Variants in KIF16B observed in about 807,000 individuals in gnomAD.
KIF16B encodes kinesin family member 16B.
A neutral mutation model predicts 156.3 loss-of-function variants in KIF16B; 98 were observed. That is an observed-to-expected ratio of 0.63 (90% CI 0.53 to 0.74). KIF16B has a LOEUF of 0.74. KIF16B is among the 30% of genes least tolerant of loss of function. The pLI, the probability that KIF16B is intolerant of heterozygous loss-of-function variation, is 0.00. For missense variants in KIF16B, 1,421 were observed against 1,606.5 expected (o/e 0.88, Z 1.97); for synonymous variants, 564 against 583.7 (o/e 0.97, Z 0.49).
chr20:16,497,518 A>T, intron 11 of KIF16B, 95 bp downstream of exon 11: 1 of 942,166 alleles, frequency 1.1e-6, no homozygotes, highest in Non-Finnish European at 1.7e-6. Context: ...AATAAAGAAA[A>T]AGAAGGCATC....
intron 23 of KIF16B, among the ~76,000 whole-genome samples, chr20:16,341,034 T>G (rs529634088): frequency 1.9e-4 from 29 of 152,270 alleles, no homozygotes; most frequent in Admixed American, 1.7e-3. Context: ...CCTTGAGTGC[T>G]TATAATAGAA....
chr20:16,484,373 A>G (rs995688423), intron 12 of KIF16B, among the ~76,000 whole-genome samples: 2 of 152,328 alleles, frequency 1.3e-5, no homozygotes, highest in Non-Finnish European at 2.9e-5. Flanking sequence ...ACTGACAGTC[A>G]TCTCCCCCTG....
At chr20:16,481,695 A>G (rs909021261) in intron 12 of KIF16B, among the ~76,000 whole-genome samples, 4 of 152,222 alleles carry the variant, frequency 2.6e-5, no homozygotes, top group African/African-American at 9.6e-5. Flanking sequence ...GAAAATGACC[A>G]TCTTTTGTGA....
Position 16,429,973 on chromosome 20 carries a change from G to C in KIF16B, c.1312C>G (p.Leu438Val). Residue 438 changes from leucine (L) to valine (V), a missense_variant, in exon 13 of 26, where the codon CTA (leucine) becomes GTA (valine). Coordinates refer to ENST00000354981, the MANE Select transcript of KIF16B (RefSeq NM_024704.5). Reference protein sequence around the residue: ...ETQNILKEQTLALRKEGIGVV... With the variant: ...ETQNILKEQTVALRKEGIGVV... ...CCAATCCCTTCTTTCCTGAGGGCTAGAGTTTGTTCCTGAAATTAAGAGGAA... is the reference window on the plus strand; with the variant it reads ...CCAATCCCTTCTTTCCTGAGGGCTACAGTTTGTTCCTGAAATTAAGAGGAA... 5.6e-6 allele frequency: 9 copies of C among 1,602,146 alleles called. No homozygotes were observed. The highest frequency in any genetic ancestry group is 7.6e-6 in the Non-Finnish European group (9 of 1,176,798).
At chr20:16,331,624 G>C (rs2063949899) in intron 24 of KIF16B, among the ~76,000 whole-genome samples, 1 of 152,198 alleles carries the variant, frequency 6.6e-6, no homozygotes, top group Non-Finnish European at 1.5e-5. Context: ...AGCCAGAATA[G>C]TCTTCTACTT....
chr20:16,309,277 C>T (rs1467524270), intron 25 of KIF16B, among the ~76,000 whole-genome samples: 2 of 152,174 alleles, frequency 1.3e-5, no homozygotes, highest in Non-Finnish European at 2.9e-5. Context: ...GAGATGAGCC[C>T]TTATGACCCA....
chr20:16,442,603 T>C (rs2066833300), intron 12 of KIF16B, among the ~76,000 whole-genome samples: 1 of 152,074 alleles, frequency 6.6e-6, no homozygotes, highest in Admixed American at 6.6e-5. Flanking sequence ...AAATAAAATA[T>C]TAAAGCCAAA....
chr20:16,419,868 G>A (rs981677129), intron 15 of KIF16B, among the ~76,000 whole-genome samples: 2 of 151,878 alleles, frequency 1.3e-5, no homozygotes, highest in African/African-American at 4.8e-5. Context: ...ATATAAAACA[G>A]AAAAAAGAAA....
At chr20:16,566,879 C>A (rs2071274201) in intron 1 of KIF16B, among the ~76,000 whole-genome samples, 1 of 152,034 alleles carries the variant, frequency 6.6e-6, no homozygotes, top group Non-Finnish European at 1.5e-5. Flanking sequence ...CATAGGTGGC[C>A]GACAGTTATA....
At chr20:16,326,715 C>T (rs138719005) in intron 24 of KIF16B, among the ~76,000 whole-genome samples, 19 of 152,042 alleles carry the variant, frequency 1.2e-4, no homozygotes, top group African/African-American at 4.6e-4. Flanking sequence ...CACTTTTACA[C>T]TTGCTGGTGG....
chr20:16,552,679 CAAG>C (rs2070711133), intron 1 of KIF16B, among the ~76,000 whole-genome samples: 1 of 152,202 alleles, frequency 6.6e-6, no homozygotes, highest in Non-Finnish European at 1.5e-5. Flanking sequence ...GGGGGCTCTG[CAAG>C]GTTAAAATTA....
At chr20:16,382,202 A>T (rs1167127012) in intron 17 of KIF16B, 1 of 986,252 alleles carries the variant, frequency 1.0e-6, no homozygotes, top group Admixed American at 2.7e-5. Flanking sequence ...AGCATTTAAT[A>T]GGAAGGAATA....
chr20:16,498,097 A>G (rs1461626013), intron 10 of KIF16B, among the ~76,000 whole-genome samples: 2 of 152,214 alleles, frequency 1.3e-5, no homozygotes, highest in Non-Finnish European at 2.9e-5. Flanking sequence ...AATGAAACGC[A>G]TTTATTTTCA....
At chr20:16,453,688 G>A (rs553465746) in intron 12 of KIF16B, among the ~76,000 whole-genome samples, 2 of 152,002 alleles carry the variant, frequency 1.3e-5, no homozygotes, top group South Asian at 2.1e-4. Flanking sequence ...GTAATTAATC[G>A]GCCCTTAAAT....
intron 12 of KIF16B, among the ~76,000 whole-genome samples, chr20:16,441,754 T>A (rs933321397): frequency 6.6e-6 from 1 of 152,102 alleles, no homozygotes; most frequent in Non-Finnish European, 1.5e-5. Flanking sequence ...GCAAGTACTG[T>A]GACCTAACTC....
intron 24 of KIF16B, among the ~76,000 whole-genome samples, chr20:16,329,602 C>T (rs1041720369): frequency 1.1e-4 from 16 of 152,108 alleles, no homozygotes; most frequent in African/African-American, 3.9e-4. Flanking sequence ...CTAGCTGTGG[C>T]ATTATCACTT....
At chr20:16,542,817 A>C (rs1032017397) in intron 1 of KIF16B, among the ~76,000 whole-genome samples, 2 of 152,200 alleles carry the variant, frequency 1.3e-5, no homozygotes, top group African/African-American at 2.4e-5. Context: ...ATGTAATAGG[A>C]AGCCACAGCC....
chr20:16,503,992 A>G (rs905451373), intron 10 of KIF16B, among the ~76,000 whole-genome samples: 2 of 152,208 alleles, frequency 1.3e-5, no homozygotes, highest in Admixed American at 1.3e-4. Flanking sequence ...CAAGTCTTTT[A>G]TTCTGTTAAA....
intron 1 of KIF16B, among the ~76,000 whole-genome samples, chr20:16,529,154 C>T (rs1461867550): frequency 1.3e-5 from 2 of 151,742 alleles, no homozygotes; most frequent in African/African-American, 4.8e-5. Context: ...TTTTTTAAAA[C>T]CTATGTATTT....
Sources: allele counts gnomAD v4.1 joint callset (sites outside exome capture counted in the v4.1 genomes callset), GRCh38; gene constraint gnomAD v4.1.1; transcripts MANE v1.5; gene names NCBI Gene and HGNC (gene_info 2026-07-23, HGNC 2026-07-21).